PHYHD1: variants seen among roughly 807,000 people sequenced by gnomAD.
PHYHD1 encodes the protein phytanoyl-CoA dioxygenase domain containing 1, also known as phytanoyl-CoA dioxygenase domain-containing protein 1.
A neutral mutation model predicts 43.6 loss-of-function variants in PHYHD1; 42 were observed. That is an observed-to-expected ratio of 0.96 (90% confidence interval 0.75 to 1.25). The LOEUF (loss-of-function observed/expected upper bound fraction) is 1.25, where lower values mean the gene tolerates loss of function less well. PHYHD1 is among the 50% of genes most tolerant of loss of function. The pLI, the probability that PHYHD1 is intolerant of heterozygous loss-of-function variation, is 0.00. For synonymous variants in PHYHD1, 139 were observed against 143.6 expected (o/e 0.97, Z 0.23); for missense variants, 342 against 370.8 (o/e 0.92, Z 0.64).
intron 6 of PHYHD1, among the ~76,000 whole-genome samples, chr9:128,935,381 T>C (rs921041851): frequency 6.6e-6 from 1 of 151,860 alleles, no homozygotes; most frequent in African/African-American, 2.4e-5. Flanking sequence ...TCCCAGCACT[T>C]TGGGAGGCTG....
intron 4 of PHYHD1, among the ~76,000 whole-genome samples, chr9:128,928,894 G>C (rs7854927): frequency 6.6e-6 from 1 of 151,766 alleles, no homozygotes; most frequent in Non-Finnish European, 1.5e-5. Context: ...CCTTGTTTGA[G>C]TTATTTTACA....
chr9:128,941,808 G>A lies in PHYHD1; in HGVS notation c.*95G>A. Reference sequence around the variant, plus strand: ...CTCAGCCTCCTGGTTGCAACAGGGAGGTCTTGTCTCCCCTCCTGGGCTTTC... The same window carrying A: ...CTCAGCCTCCTGGTTGCAACAGGGAAGTCTTGTCTCCCCTCCTGGGCTTTC... On this transcript the variant is annotated 3_prime_UTR_variant, in exon 13 of 13. Transcript: ENST00000372592. The A allele has an allele frequency of 1.3e-6, 2 of 1,555,284 alleles. No homozygotes were observed. Among genetic ancestry groups the A allele is most frequent in the Non-Finnish European group, 1.8e-6 (2 of 1,131,148 alleles).
chr9:128,931,674 G>A (rs1347280578), intron 4 of PHYHD1, among the ~76,000 whole-genome samples: 3 of 151,912 alleles, frequency 2.0e-5, no homozygotes, highest in Admixed American at 1.3e-4. Flanking sequence ...ACAGGCGCCC[G>A]CCACCACACC....
Position 128,922,313 on chromosome 9 carries a change from T to G in PHYHD1, c.-11T>G. 6.4e-7 allele frequency: 1 copy of G among 1,551,364 alleles called. No individual in the cohort carries two copies. The highest frequency in any genetic ancestry group is 8.7e-7 in the Non-Finnish European group (1 of 1,147,312). ...CGCGCTTAGAAGCCGCCCAGTGCCC[T>G]GAGCGTCTCCATGGCCTGCCTGAGC... On this transcript the variant is annotated 5_prime_UTR_variant, in exon 3 of 13. Transcript: ENST00000372592.
chr9:128,940,238 T>C, intron 9 of PHYHD1, 131 bp from the exon 10 acceptor site: 1 of 1,329,642 alleles, frequency 7.5e-7, no homozygotes, highest in Non-Finnish European at 1.0e-6. Flanking sequence ...CAGGAAGTGA[T>C]GAGATTCTAA....
At chr9:128,923,184 TC>T (rs1841046670) in intron 3 of PHYHD1, among the ~76,000 whole-genome samples, 3 of 152,256 alleles carry the variant, frequency 2.0e-5, no homozygotes, top group Admixed American at 2.0e-4. Context: ...CCTCAAGTGA[TC>T]CGCCTGCCTT....
chr9:128,927,219 G>A, intron 4 of PHYHD1, 23 bp downstream of exon 4: 1 of 1,612,836 alleles, frequency 6.2e-7, no homozygotes, highest in Non-Finnish European at 8.5e-7. Flanking sequence ...GGCACATGAG[G>A]ATGGGATGTG....
intron 9 of PHYHD1, 82 bp from the exon 10 acceptor site, chr9:128,940,287 G>T (rs17455252): frequency 0.035 from 55,630 of 1,577,166 alleles, 1,236 homozygotes; most frequent in Non-Finnish European, 0.041. Context: ...GCACCCAGAG[G>T]ACTGAGGAAT....
chr9:128,931,616 C>T (rs1420657429), intron 4 of PHYHD1, among the ~76,000 whole-genome samples: 1 of 152,198 alleles, frequency 6.6e-6, no homozygotes, highest in Non-Finnish European at 1.5e-5. Flanking sequence ...GCTCCGCCTC[C>T]TGGGCTCACG....
In PHYHD1 at chr9:128,926,694, G is replaced by A. The variant is rs1332569919; in HGVS notation, c.34-344G>A. ...CTGCCTCAGCCTCCCAAGTAGCTGG[G>A]ACTACAGGCATGCACCACCATGCCC... On this transcript the variant is annotated intron_variant, in intron 3 of 12. Coordinates refer to ENST00000372592, the MANE Select transcript of PHYHD1 (RefSeq NM_001100876.2). Among the ~76,000 whole-genome samples the A allele has an allele frequency of 2.0e-5, 3 of 151,366 alleles. No homozygotes were observed. In the South Asian group the frequency reaches 6.3e-4, roughly 32 times the overall value.
intron 11 of PHYHD1, 26 bp downstream of exon 11, chr9:128,940,741 G>A (rs1841538556): frequency 1.2e-6 from 2 of 1,607,534 alleles, no homozygotes; most frequent in Non-Finnish European, 1.7e-6. Flanking sequence ...GGGCAGAGAG[G>A]CAGGGGGCTG....
intron 3 of PHYHD1, among the ~76,000 whole-genome samples, chr9:128,924,625 A>AT (rs1841088025): frequency 6.6e-6 from 1 of 151,258 alleles, no homozygotes; most frequent in African/African-American, 2.4e-5. Context: ...AAAAAAAAAA[A>AT]AAAGAAGAAG....
At chr9:128,933,095 C>A (rs1841336551) in intron 4 of PHYHD1, among the ~76,000 whole-genome samples, 1 of 150,360 alleles carries the variant, frequency 6.7e-6, no homozygotes, top group Admixed American at 6.7e-5. Context: ...TCGTGATCCG[C>A]CCACCTCGGC....
chr9:128,931,597 T>C (rs888755708), intron 4 of PHYHD1, among the ~76,000 whole-genome samples: 2 of 152,148 alleles, frequency 1.3e-5, no homozygotes, highest in African/African-American at 4.8e-5. Flanking sequence ...CGATCTCGGC[T>C]CACTGCAAGC....
intron 1 of PHYHD1, 39 bp from the exon 2 acceptor site, chr9:128,921,891 C>G (rs1191906525): frequency 5.7e-6 from 1 of 175,808 alleles, no homozygotes; most frequent in East Asian, 1.6e-4. Context: ...GGGGGTGCCG[C>G]ACATCCCCCA....
At chr9:128,929,409 A>G (rs1452809470) in intron 4 of PHYHD1, among the ~76,000 whole-genome samples, 1 of 152,182 alleles carries the variant, frequency 6.6e-6, no homozygotes, top group African/African-American at 2.4e-5. Context: ...GTGGTGGCTT[A>G]TACCTGTAAT....
chr9:128,939,070 C>T (rs1182864263), intron 9 of PHYHD1, among the ~76,000 whole-genome samples: 2 of 131,876 alleles, frequency 1.5e-5, no homozygotes, highest in African/African-American at 2.5e-5. Context: ...CCAGTTCCTT[C>T]CACCATTCCT....
At chr9:128,940,568 G>C in intron 10 of PHYHD1, 31 bp from the exon 11 acceptor site, 1 of 1,613,946 alleles carries the variant, frequency 6.2e-7, no homozygotes, top group Non-Finnish European at 8.5e-7. Context: ...TGAGAAAGGA[G>C]GAGTTTAAGG....
At chr9:128,923,678 C>G (rs1027484793) in intron 3 of PHYHD1, among the ~76,000 whole-genome samples, 1 of 152,192 alleles carries the variant, frequency 6.6e-6, no homozygotes, top group African/African-American at 2.4e-5. Flanking sequence ...CTTTGATCCC[C>G]TATTGCGTAA....
Sources: gnomAD v4.1 joint callset for allele counts (sites outside exome capture counted in the v4.1 genomes callset) on GRCh38, gnomAD v4.1.1 for gene constraint, MANE v1.5 for transcripts, NCBI Gene and HGNC (gene_info 2026-07-23, HGNC 2026-07-21) for gene names.